Variants in MECOM observed in about 807,000 individuals in gnomAD.
The protein encoded by MECOM is MDS1 and EVI1 complex locus.
MECOM carries 13 observed loss-of-function variants against 116.3 expected under a neutral mutation model. The observed-to-expected ratio is 0.11, with a 90% confidence interval of 0.07 to 0.18. The LOEUF is 0.18. Ranked by LOEUF, MECOM falls within the 10% of genes least tolerant of loss-of-function variation. The probability of loss-of-function intolerance (pLI) is 1.00; values close to 1 mark genes in which losing one functional copy is unlikely to be tolerated. For missense variants in MECOM, 1,299 were observed against 1,509.0 expected (o/e 0.86, Z 2.31); for synonymous variants, 528 against 535.2 (o/e 0.99, Z 0.19).
intron 2 of MECOM, among the ~76,000 whole-genome samples, chr3:169,167,154 T>A (rs183601237): frequency 1.6e-4 from 25 of 152,286 alleles, no homozygotes; most frequent in Non-Finnish European, 2.8e-4. Context: ...TTTAAAAAAA[T>A]TTTTGTAGAG....
chr3:169,100,820 T>C, intron 12 of MECOM, 65 bp downstream of exon 12: 1 of 892,274 alleles, frequency 1.1e-6, no homozygotes, highest in Non-Finnish European at 1.5e-6. Flanking sequence ...TATTATTTTA[T>C]TATTAAAATA....
At chr3:169,131,368 C>T (rs17546631) in intron 4 of MECOM, 61 bp downstream of exon 4, 24,864 of 1,367,952 alleles carry the variant, frequency 0.018, 306 homozygotes, top group Non-Finnish European at 0.022. Context: ...TGGATGCTTT[C>T]GATGCTACTT....
intron 1 of MECOM, among the ~76,000 whole-genome samples, chr3:169,424,184 T>G (rs1054541386): frequency 6.6e-6 from 1 of 152,164 alleles, no homozygotes; most frequent in African/African-American, 2.4e-5. Flanking sequence ...CCTGTAGGCC[T>G]GGCTCAAGAG....
Position 169,354,786 on chromosome 3 carries a change from TC to T in MECOM, c.375+26400del, listed in dbSNP as rs150076698. ...CATGGGCATATGTTTGTTCAGTTTT[TC>T]CCCCCCTTCCTGAGCTGGGGCTTCA... On this transcript the variant is annotated intron_variant, in intron 2 of 16. Transcript: ENST00000651503. 5.5e-3 allele frequency among the ~76,000 whole-genome samples: 829 copies of T among 151,710 alleles called. 3 individuals carry two copies. Among genetic ancestry groups the T allele is most frequent in the African/African-American group, 0.019 (783 of 41,372 alleles).
chr3:169,644,366 C>T (rs1163171264), intron 1 of MECOM, among the ~76,000 whole-genome samples: 3 of 152,084 alleles, frequency 2.0e-5, no homozygotes, highest in African/African-American at 7.2e-5. Context: ...AAGCGATTCT[C>T]TTTCCTCAGC....
chr3:169,112,495 G>C (rs1382077578), intron 9 of MECOM, among the ~76,000 whole-genome samples: 3 of 152,034 alleles, frequency 2.0e-5, no homozygotes, highest in African/African-American at 7.2e-5. Context: ...ACACATCTTG[G>C]ATATTTATTT....
intron 1 of MECOM, among the ~76,000 whole-genome samples, chr3:169,659,834 G>A (rs1403074227): frequency 6.6e-6 from 1 of 151,962 alleles, no homozygotes; most frequent in Admixed American, 6.6e-5. Flanking sequence ...GTTTAAGGAC[G>A]GGAGAAAGGG....
chr3:169,539,277 T>G (rs978504469), intron 1 of MECOM, among the ~76,000 whole-genome samples: 2 of 152,214 alleles, frequency 1.3e-5, no homozygotes, highest in African/African-American at 4.8e-5. Context: ...TTCATTTGCC[T>G]GTGTATCCTC....
intron 2 of MECOM, among the ~76,000 whole-genome samples, chr3:169,185,000 G>A (rs574855908): frequency 1.3e-5 from 2 of 152,256 alleles, no homozygotes; most frequent in South Asian, 4.1e-4. Context: ...TCCAGCTTGA[G>A]AAATAAGGTA....
At chr3:169,635,697 T>C (rs1249146364) in intron 1 of MECOM, among the ~76,000 whole-genome samples, 1 of 152,254 alleles carries the variant, frequency 6.6e-6, no homozygotes, top group Non-Finnish European at 1.5e-5. Flanking sequence ...ACTCTGGCTG[T>C]CAGTGTGCTT....
At position 169,382,664 on chromosome 3, in the gene MECOM, G is replaced by T. The variant is rs575655571; in HGVS notation, c.38-1140C>A. On this transcript the variant is annotated intron_variant, in intron 1 of 16. Coordinates refer to ENST00000651503, the MANE Select transcript of MECOM (RefSeq NM_004991.4). The stretch of plus-strand genomic sequence containing the variant: ...AACAGATGAAAATTACGAAGAAACA[G>T]ACTTCGATCGAGCTAGTCAAAGGTT... 8.6e-5 allele frequency among the ~76,000 whole-genome samples: 13 copies of T among 151,890 alleles called. No individual in the cohort carries two copies. In the South Asian group the frequency reaches 2.7e-3, roughly 32 times the overall value.
chr3:169,299,430 TA>T (rs1331474637), intron 2 of MECOM, among the ~76,000 whole-genome samples: 4 of 152,174 alleles, frequency 2.6e-5, no homozygotes, highest in Non-Finnish European at 1.5e-5. Flanking sequence ...GTTCTTGGAA[TA>T]AAATTAAGTA....
chr3:169,631,388 C>A (rs1475651012), intron 1 of MECOM, among the ~76,000 whole-genome samples: 2 of 152,176 alleles, frequency 1.3e-5, no homozygotes, highest in Admixed American at 1.3e-4. Context: ...TTAATAAATT[C>A]TAGCTAAATT....
At chr3:169,193,836 G>A (rs1266437167) in intron 2 of MECOM, among the ~76,000 whole-genome samples, 2 of 151,914 alleles carry the variant, frequency 1.3e-5, no homozygotes, top group African/African-American at 4.8e-5. Flanking sequence ...AAGGGTTATA[G>A]TTAAGTGTTA....
chr3:169,361,012 C>G (rs1728215781), intron 2 of MECOM, among the ~76,000 whole-genome samples: 1 of 151,730 alleles, frequency 6.6e-6, no homozygotes, highest in Admixed American at 6.6e-5. Flanking sequence ...TTACAAGACA[C>G]AAGAGTGCTG....
In MECOM at chr3:169,387,418, CT is replaced by C. The variant is rs573226830; in HGVS notation, c.38-5895del. On this transcript the variant is annotated intron_variant, in intron 1 of 16. Transcript: ENST00000651503. ...TAACTCACCATTTGTTTCTTTTGGC[CT>C]TTCCGCCTAGTTTAACTGCAAATCT... 4.6e-5 allele frequency among the ~76,000 whole-genome samples: 7 copies of C among 152,318 alleles called. No homozygotes were observed. The East Asian group carries it at 1.3e-3, about 29-fold the overall frequency.
chr3:169,632,287 T>A (rs1475548778), intron 1 of MECOM, among the ~76,000 whole-genome samples: 1 of 152,168 alleles, frequency 6.6e-6, no homozygotes, highest in East Asian at 1.9e-4. Flanking sequence ...CACGTGAGAT[T>A]CATTTAAAAA....
intron 1 of MECOM, among the ~76,000 whole-genome samples, chr3:169,582,216 C>T (rs756756461): frequency 9.2e-5 from 14 of 151,462 alleles, no homozygotes; most frequent in African/African-American, 2.7e-4. Flanking sequence ...GCCCAGGCAG[C>T]GCTTTGCAGA....
intron 2 of MECOM, among the ~76,000 whole-genome samples, chr3:169,337,215 T>C (rs1333842583): frequency 1.3e-5 from 2 of 152,134 alleles, no homozygotes; most frequent in African/African-American, 4.8e-5. Context: ...AACACCACCA[T>C]TGTTAACATT....
Sources: allele counts gnomAD v4.1 joint callset (sites outside exome capture counted in the v4.1 genomes callset), GRCh38; gene constraint gnomAD v4.1.1; transcripts MANE v1.5; gene names NCBI Gene and HGNC (gene_info 2026-07-23, HGNC 2026-07-21).